Variants in NEXN observed in about 807,000 individuals in gnomAD.
NEXN encodes nexilin F-actin binding protein.
Under a neutral mutation model 92.6 loss-of-function variants are expected in NEXN, and 65 were observed. The observed-to-expected ratio is 0.70, with a 90% confidence interval of 0.57 to 0.86. The LOEUF is 0.86. Among genes scored for constraint, NEXN ranks in the 40% least tolerant of loss-of-function variants. NEXN has a pLI of 0.00. For synonymous variants in NEXN, 254 were observed against 242.5 expected, an observed-to-expected ratio of 1.05 and a Z score of -0.44; for missense variants, 778 against 771.1, an observed-to-expected ratio of 1.01 and a Z score of -0.11.
intron 1 of NEXN, among the ~76,000 whole-genome samples, chr1:77,889,849 C>T (rs1040276908): frequency 1.3e-5 from 2 of 152,088 alleles, no homozygotes; most frequent in African/African-American, 4.8e-5. Flanking sequence ...CATTGGCCTT[C>T]GAGTCACAAC....
At chr1:77,931,581 T>C (rs959559627) in intron 9 of NEXN, 7 of 152,182 alleles carry the variant, frequency 4.6e-5, no homozygotes, top group Middle Eastern at 3.4e-3. Context: ...CAAAACCAAG[T>C]TTCCTAAAGA....
intron 2 of NEXN, 26 bp from the exon 3 acceptor site, chr1:77,917,540 C>A: frequency 6.4e-7 from 1 of 1,560,460 alleles, no homozygotes; most frequent in South Asian, 1.1e-5. Context: ...CGTTAACTTT[C>A]TTTTTTTTAT....
intron 1 of NEXN, among the ~76,000 whole-genome samples, chr1:77,906,872 T>TC (rs1648153718): frequency 6.6e-6 from 1 of 151,946 alleles, no homozygotes; most frequent in South Asian, 2.1e-4. Flanking sequence ...CCCAGGCTGG[T>TC]CCCCAACTCC....
chr1:77,942,031 T>C lies in NEXN; in HGVS notation c.1482T>C (p.Asp494=), dbSNP rs1216412544. Residue 494 remains aspartate (D), a synonymous_variant, in exon 12 of 13, where the codon GAT becomes GAC. Coordinates refer to ENST00000334785, the MANE Select transcript of NEXN (RefSeq NM_144573.4). The part of the protein sequence containing the change: ...REAENFHEED[D]VDVRPARKSE... Reference sequence around the variant, plus strand: ...GGCCCACTTTCTTGCAGGAAGATGATGTTGATGTTAGGCCTGCAAGAAAAA... The same window carrying C: ...GGCCCACTTTCTTGCAGGAAGATGACGTTGATGTTAGGCCTGCAAGAAAAA... 6.2e-7 allele frequency: 1 copy of C among 1,612,724 alleles called. No homozygotes were observed. Among genetic ancestry groups the C allele is most frequent in the Non-Finnish European group, 8.5e-7 (1 of 1,179,250 alleles).
chr1:77,894,437 A>G (rs932825716), intron 1 of NEXN, among the ~76,000 whole-genome samples: 1 of 151,818 alleles, frequency 6.6e-6, no homozygotes, highest in African/African-American at 2.4e-5. Flanking sequence ...TATCATTTTT[A>G]TTTCATTATT....
At chr1:77,925,790 A>G (rs937308732) in intron 6 of NEXN, among the ~76,000 whole-genome samples, 2 of 152,118 alleles carry the variant, frequency 1.3e-5, no homozygotes, top group African/African-American at 2.4e-5. Flanking sequence ...TCTCAGGGCC[A>G]TGTGTTTCAT....
intron 1 of NEXN, among the ~76,000 whole-genome samples, chr1:77,904,329 T>C (rs758322715): frequency 2.6e-5 from 4 of 152,170 alleles, no homozygotes; most frequent in Non-Finnish European, 5.9e-5. Context: ...CTTATTAACA[T>C]ATGATTGACA....
Position 77,916,808 on chromosome 1 carries a change from C to T in NEXN, c.27+675C>T, listed in dbSNP as rs548723610. ...TTTTCAAAGTGGTGAAAATAATTTG[C>T]TCTTCTGGTTTTAGAGTGGAGGAAA... On this transcript the variant is annotated intron_variant, in intron 2 of 12. Coordinates refer to ENST00000334785, the MANE Select transcript of NEXN (RefSeq NM_144573.4). Among the ~76,000 whole-genome samples, 5 of 152,242 alleles carry T rather than the reference C, an allele frequency of 3.3e-5. No individual in the cohort carries two copies. The East Asian group carries it at 9.6e-4, about 29-fold the overall frequency.
At chr1:77,920,810 G>A (rs1649364940) in intron 5 of NEXN, among the ~76,000 whole-genome samples, 1 of 151,644 alleles carries the variant, frequency 6.6e-6, no homozygotes, top group Admixed American at 6.6e-5. Flanking sequence ...GGAAGAGAAG[G>A]AGATGTTGAA....
intron 1 of NEXN, among the ~76,000 whole-genome samples, chr1:77,907,701 TAA>T (rs1225821126): frequency 6.6e-6 from 1 of 152,176 alleles, no homozygotes; most frequent in Non-Finnish European, 1.5e-5. Flanking sequence ...AATCTATAAT[TAA>T]GTCAAGATAT....
At chr1:77,940,405 C>T (rs1651162053) in intron 11 of NEXN, among the ~76,000 whole-genome samples, 1 of 152,126 alleles carries the variant, frequency 6.6e-6, no homozygotes, top group Admixed American at 6.5e-5. Context: ...TTCCCAGAAA[C>T]ATGTTTTAAC....
chr1:77,939,390 G>A (rs564925658), intron 11 of NEXN, among the ~76,000 whole-genome samples: 1 of 152,172 alleles, frequency 6.6e-6, no homozygotes, highest in Non-Finnish European at 1.5e-5. Context: ...AGTAGATAAA[G>A]CTGCTTATAA....
intron 11 of NEXN, among the ~76,000 whole-genome samples, chr1:77,938,799 G>C (rs764353111): frequency 6.6e-6 from 1 of 152,076 alleles, no homozygotes; most frequent in South Asian, 2.1e-4. Flanking sequence ...CCAGATAGAG[G>C]AGAAGCCTTC....
chr1:77,892,190 A>C (rs1301577650), intron 1 of NEXN, among the ~76,000 whole-genome samples: 3 of 152,162 alleles, frequency 2.0e-5, no homozygotes, highest in Non-Finnish European at 4.4e-5. Flanking sequence ...TCTGGGCAAA[A>C]TCTGGGTTCA....
chr1:77,933,729 T>C (rs1650501583), intron 10 of NEXN, among the ~76,000 whole-genome samples: 1 of 152,220 alleles, frequency 6.6e-6, no homozygotes, highest in Admixed American at 6.5e-5. Context: ...TATTTATTTA[T>C]ATTTGTAGTT....
At chr1:77,938,061 C>G (rs1239963841) in intron 11 of NEXN, among the ~76,000 whole-genome samples, 1 of 151,962 alleles carries the variant, frequency 6.6e-6, no homozygotes, top group African/African-American at 2.4e-5. Flanking sequence ...ATCATAGTGA[C>G]AGGGTATACA....
intron 1 of NEXN, among the ~76,000 whole-genome samples, chr1:77,906,223 A>G (rs558539905): frequency 3.9e-5 from 6 of 152,290 alleles, no homozygotes; most frequent in Non-Finnish European, 8.8e-5. Context: ...GAAGTTCAGA[A>G]AAAGGGAACT....
Position 77,942,923 on chromosome 1 carries a change from C to A in NEXN, c.*94C>A, listed in dbSNP as rs1256705869. 2 of 1,474,546 alleles carry A rather than the reference C, an allele frequency of 1.4e-6. No homozygotes were observed. The highest frequency in any genetic ancestry group is 2.4e-5 in the South Asian group (2 of 81,662). The allele number at this position is 1,474,546 out of a possible 1,614,324, so 91.3% of individuals were successfully genotyped here. ...AGCTGATGACTACTAGCTCCCCTCCCCTCTCCCTGGAACTTTCTCTTTCAC... is the reference window on the plus strand; with the variant it reads ...AGCTGATGACTACTAGCTCCCCTCCACTCTCCCTGGAACTTTCTCTTTCAC... On this transcript the variant is annotated 3_prime_UTR_variant, in exon 13 of 13. Coordinates refer to ENST00000334785, the MANE Select transcript of NEXN (RefSeq NM_144573.4).
chr1:77,936,740 T>C (rs1650799689), intron 11 of NEXN, among the ~76,000 whole-genome samples: 1 of 152,234 alleles, frequency 6.6e-6, no homozygotes, highest in African/African-American at 2.4e-5. Flanking sequence ...AAATTTTTTT[T>C]CTGCCAGAAT....
Sources: allele counts gnomAD v4.1 joint callset (sites outside exome capture counted in the v4.1 genomes callset), GRCh38; gene constraint gnomAD v4.1.1; transcripts MANE v1.5; gene names NCBI Gene and HGNC (gene_info 2026-07-23, HGNC 2026-07-21).